Variants in PHAX observed in about 807,000 individuals in gnomAD.
The protein encoded by PHAX is phosphorylated adapter RNA export protein.
Under a neutral mutation model 41.6 loss-of-function variants are expected in PHAX, and 31 were observed. The observed-to-expected ratio is 0.75, with a 90% CI of 0.56 to 1.01. The LOEUF (loss-of-function observed/expected upper bound fraction) is 1.01. Among genes scored for constraint, PHAX ranks in the 50% least tolerant of loss-of-function variants. The probability of loss-of-function intolerance (pLI) is 0.00; values close to 1 mark genes in which losing one functional copy is unlikely to be tolerated. For synonymous variants in PHAX, 175 were observed against 164.9 expected (o/e 1.06, Z -0.47); for missense variants, 453 against 472.9 (o/e 0.96, Z 0.39).
At chr5:126,604,550 C>T (rs1160828714) in intron 2 of PHAX, among the ~76,000 whole-genome samples, 3 of 151,944 alleles carry the variant, frequency 2.0e-5, no homozygotes, top group Non-Finnish European at 4.4e-5. Flanking sequence ...CAGGCGTGAG[C>T]CATGGGCTGG....
intron 3 of PHAX, among the ~76,000 whole-genome samples, chr5:126,616,387 G>A (rs910802929): frequency 1.1e-4 from 17 of 152,212 alleles, no homozygotes; most frequent in African/African-American, 3.6e-4. Flanking sequence ...GAGCAACTGC[G>A]CCCAGCCTCA....
At chr5:126,624,478 G>C in intron 4 of PHAX, 97 bp from the exon 5 acceptor site, 2 of 963,442 alleles carry the variant, frequency 2.1e-6, no homozygotes, top group Non-Finnish European at 3.1e-6. Context: ...TGTATTTTTT[G>C]TAAGAAATGG....
intron 4 of PHAX, 133 bp downstream of exon 4, chr5:126,617,466 A>G (rs1752203333): frequency 1.9e-6 from 1 of 533,222 alleles, no homozygotes; most frequent in South Asian, 2.7e-5. Context: ...CTTAAGTAAC[A>G]TTTATGCCTT....
In PHAX at chr5:126,624,710, C is replaced by T. The variant is rs775539026; in HGVS notation, c.1051C>T (p.Arg351Ter). The change falls in exon 5 of 5, where the codon CGA (arginine) becomes TGA (stop). Residue 351 changes from arginine to a stop codon, truncating the protein, a stop_gained. Transcript: ENST00000297540. LOFTEE classifies it high-confidence loss of function. ...TTTTCAAGAAGATGATGATACATCA[C>T]GAGAAACTTTTGCAAGTGACACGAA... ...LNFQEDDDTS[R>*]ETFASDTNEA... is the part of the protein sequence containing the mutation. 7 of 1,614,018 alleles carry T rather than the reference C, an allele frequency of 4.3e-6. No individual in the cohort carries two copies. The highest frequency in any genetic ancestry group is 5.9e-6 in the Non-Finnish European group (7 of 1,180,026).
At chr5:126,615,651 C>T (rs963059079) in intron 3 of PHAX, among the ~76,000 whole-genome samples, 1 of 151,852 alleles carries the variant, frequency 6.6e-6, no homozygotes, top group African/African-American at 2.4e-5. Context: ...GTTAGATAAG[C>T]ATCGTTTAGG....
Position 126,625,738 on chromosome 5 carries a change from G to C in PHAX, c.*894G>C, listed in dbSNP as rs1016741475. 2.6e-5 allele frequency: 4 copies of C among 151,906 alleles called. No homozygotes were observed. The highest frequency in any genetic ancestry group is 1.5e-5 in the Non-Finnish European group (1 of 68,004). 9.4% of individuals were successfully genotyped at this position (151,906 alleles called of 1,614,324 possible). A position where few individuals can be genotyped will look rare whatever the true frequency, so the allele number is the denominator to read the frequency against. ...GGTTTTTTAGTTAGAGTCTTGATCTGTCACCCAGGCTGGAGTACAGTGGCA... is the reference window on the plus strand; with the variant it reads ...GGTTTTTTAGTTAGAGTCTTGATCTCTCACCCAGGCTGGAGTACAGTGGCA... On this transcript the variant is annotated 3_prime_UTR_variant, in exon 5 of 5. Coordinates refer to ENST00000297540, the MANE Select transcript of PHAX (RefSeq NM_032177.4).
chr5:126,619,039 C>A (rs1017856369), intron 4 of PHAX, among the ~76,000 whole-genome samples: 1 of 151,976 alleles, frequency 6.6e-6, no homozygotes, highest in Non-Finnish European at 1.5e-5. Flanking sequence ...TCTTAGATGA[C>A]CCTCAGCCTC....
chr5:126,604,966 G>A (rs535388672), intron 2 of PHAX, among the ~76,000 whole-genome samples: 8 of 152,002 alleles, frequency 5.3e-5, no homozygotes, highest in African/African-American at 1.2e-4. Context: ...CCCGGGAGGC[G>A]GAGGTTGCAG....
chr5:126,608,910 C>A (rs1388473817), intron 3 of PHAX, among the ~76,000 whole-genome samples: 2 of 149,830 alleles, frequency 1.3e-5, no homozygotes, highest in Admixed American at 6.7e-5. Flanking sequence ...GCACTCCATC[C>A]TGGGCAACAG....
intron 2 of PHAX, among the ~76,000 whole-genome samples, chr5:126,605,861 T>A (rs1162234325): frequency 6.6e-6 from 1 of 152,254 alleles, no homozygotes; most frequent in African/African-American, 2.4e-5. Context: ...TTGTGACTTT[T>A]TTCTTAACTT....
Position 126,603,630 on chromosome 5 carries a change from C to G in PHAX, c.157C>G (p.Pro53Ala), listed in dbSNP as rs1332481603. 1.2e-6 allele frequency: 2 copies of G among 1,613,776 alleles called. No homozygotes were observed. ...CCAGAACACGGCAACTGCATGTGCA[C>G]CAGTATCACATTATCGAGCTGTTGA... The part of the protein sequence containing the change: ...AFQNTATACA[P>A]VSHYRAVESV... Residue 53 changes from proline to alanine, a missense_variant, in exon 2 of 5, where the codon CCA becomes GCA. Coordinates refer to ENST00000297540, the MANE Select transcript of PHAX (RefSeq NM_032177.4).
At position 126,603,942 on chromosome 5, in the gene PHAX, G is replaced by T; in HGVS notation, c.469G>T (p.Ala157Ser). The change falls in exon 2 of 5, where the codon GCC (alanine) becomes TCC (serine). Residue 157 changes from alanine to serine, a missense_variant. Physicochemically the swap from Ala to Ser is moderately conservative, Grantham distance 99. Transcript: ENST00000297540. ...RQSETYNYLLAKKLRKESQEH... is the reference protein window; with the variant it reads ...RQSETYNYLLSKKLRKESQEH... ...ATCCGAGACCTACAATTATTTGCTT[G>T]CCAAGAAACTTAGGAAGGAATCTCA... 1 of 1,614,056 alleles carries T rather than the reference G, an allele frequency of 6.2e-7. No homozygotes were observed. Among genetic ancestry groups the T allele is most frequent in the Non-Finnish European group, 8.5e-7 (1 of 1,180,030 alleles).
At position 126,624,865 on chromosome 5, in the gene PHAX, G is replaced by A; in HGVS notation, c.*21G>A. On this transcript the variant is annotated 3_prime_UTR_variant, in exon 5 of 5. Transcript: ENST00000297540. ...TTTAAGTACATTTTCAACAGTTTGAGGACTAAGCCTTTCTAAAATAACATT... is the reference window on the plus strand; with the variant it reads ...TTTAAGTACATTTTCAACAGTTTGAAGACTAAGCCTTTCTAAAATAACATT... The A allele has an allele frequency of 6.4e-7, 1 of 1,569,688 alleles. No homozygotes were observed. The highest frequency in any genetic ancestry group is 8.6e-7 in the Non-Finnish European group (1 of 1,161,112).
At chr5:126,601,095 C>A in intron 1 of PHAX, 37 bp downstream of exon 1, 1 of 1,481,798 alleles carries the variant, frequency 6.7e-7, no homozygotes, top group Non-Finnish European at 9.3e-7. Context: ...CGTGGCTGGG[C>A]GCGCGGAGCC....
intron 2 of PHAX, among the ~76,000 whole-genome samples, chr5:126,607,388 CTTTTTTTT>C (rs58375322): frequency 1.2e-5 from 1 of 85,404 alleles, no homozygotes; most frequent in Admixed American, 1.3e-4. Flanking sequence ...GGTCTGAATT[CTTTTTTTT>C]TTTTTTTTTT....
At chr5:126,622,919 A>C (rs1752294159) in intron 4 of PHAX, among the ~76,000 whole-genome samples, 1 of 152,008 alleles carries the variant, frequency 6.6e-6, no homozygotes, top group Non-Finnish European at 1.5e-5. Context: ...TGAGGCCAGG[A>C]GTTGGAGACC....
intron 1 of PHAX, among the ~76,000 whole-genome samples, chr5:126,602,601 T>A (rs186630873): frequency 6.6e-6 from 1 of 152,366 alleles, no homozygotes; most frequent in East Asian, 1.9e-4. Flanking sequence ...TATAAATGTT[T>A]AGGAAATTAG....
chr5:126,603,987 G>C lies in PHAX; in HGVS notation c.514G>C (p.Asp172His). The change falls in exon 2 of 5, where the codon GAC becomes CAC. Residue 172 changes from aspartate (D) to histidine (H), a missense_variant. Coordinates refer to ENST00000297540, the MANE Select transcript of PHAX (RefSeq NM_032177.4). ...ATCTCAAGAGCATACAAAAGATCTA[G>C]ACAAGGAACTAGATGAATATATGCA... Reference protein sequence around the residue: ...KESQEHTKDLDKELDEYMHGG... With the variant: ...KESQEHTKDLHKELDEYMHGG... The C allele has an allele frequency of 6.2e-7, 1 of 1,613,994 alleles. No homozygotes were observed. The highest frequency in any genetic ancestry group is 8.5e-7 in the Non-Finnish European group (1 of 1,179,994).
At chr5:126,615,514 T>TG (rs1752170560) in intron 3 of PHAX, among the ~76,000 whole-genome samples, 1 of 151,442 alleles carries the variant, frequency 6.6e-6, no homozygotes, top group Middle Eastern at 3.2e-3. Context: ...TGTGCTTTTT[T>TG]TTTTTTTTTT....
Sources: gnomAD v4.1 joint callset for allele counts (sites outside exome capture counted in the v4.1 genomes callset) on GRCh38, gnomAD v4.1.1 for gene constraint, MANE v1.5 for transcripts, NCBI Gene and HGNC (gene_info 2026-07-23, HGNC 2026-07-21) for gene names.